MAP2: variants seen among roughly 807,000 people sequenced by gnomAD.
MAP2 encodes the protein microtubule associated protein 2.
In MAP2, 14 loss-of-function variants were observed where a neutral mutation model predicts 137.6. The observed-to-expected ratio is 0.10, with a 90% CI of 0.07 to 0.16. The LOEUF (loss-of-function observed/expected upper bound fraction) is 0.16, where lower values mean the gene tolerates loss of function less well. Among genes scored for constraint, MAP2 ranks in the 10% least tolerant of loss-of-function variants. MAP2 has a pLI of 1.00. For missense variants in MAP2, 2,088 were observed against 2,191.5 expected (o/e 0.95, Z 0.94); for synonymous variants, 786 against 782.3 (o/e 1.00, Z -0.08).
Position 209,692,861 on chromosome 2 carries a change from G to T in MAP2, c.691G>T (p.Val231Phe). ...APLALFGHTL[V>F]ASLEDMKQKT... ...CCTAGCTTTGTTTGGGCACACTCTT[G>T]TTGCCAGCCTGGAAGACATGAAACA... Residue 231 changes from valine to phenylalanine, a missense_variant, in exon 8 of 16, where the codon GTT becomes TTT. Transcript: ENST00000682079. 5 of 1,613,842 alleles carry T rather than the reference G, an allele frequency of 3.1e-6. No homozygotes were observed. The highest frequency in any genetic ancestry group is 4.2e-6 in the Non-Finnish European group (5 of 1,179,920).
chr2:209,714,067 G>C (rs886903147), intron 13 of MAP2, among the ~76,000 whole-genome samples: 5 of 152,066 alleles, frequency 3.3e-5, no homozygotes, highest in African/African-American at 4.8e-5. Flanking sequence ...CAGGCGTGGT[G>C]GTGGGCACCA....
intron 2 of MAP2, among the ~76,000 whole-genome samples, chr2:209,546,179 T>G (rs2068027761): frequency 6.6e-6 from 1 of 152,108 alleles, no homozygotes; most frequent in Admixed American, 6.5e-5. Context: ...AAAAAAGAAA[T>G]GCACGCAACT....
chr2:209,458,491 C>T (rs1037334806), intron 1 of MAP2, among the ~76,000 whole-genome samples: 10 of 152,102 alleles, frequency 6.6e-5, no homozygotes, highest in Non-Finnish European at 1.5e-5. Flanking sequence ...AAAATATGGT[C>T]CATGCAAAGT....
chr2:209,503,255 C>T (rs2060622236), intron 1 of MAP2, among the ~76,000 whole-genome samples: 1 of 152,150 alleles, frequency 6.6e-6, no homozygotes, highest in South Asian at 2.1e-4. Context: ...CCCTCCTTGG[C>T]CTCCCAAAGT....
intron 1 of MAP2, among the ~76,000 whole-genome samples, chr2:209,462,106 T>G (rs970176755): frequency 1.3e-5 from 2 of 152,228 alleles, no homozygotes; most frequent in African/African-American, 4.8e-5. Flanking sequence ...AAAATCCTGG[T>G]AAAATATATG....
chr2:209,725,867 G>T, intron 14 of MAP2, 77 bp downstream of exon 14: 1 of 789,492 alleles, frequency 1.3e-6, no homozygotes, highest in South Asian at 2.1e-5. Flanking sequence ...TTTTGTTGTT[G>T]CAAAATACCT....
chr2:209,636,088 A>G (rs1481066867), intron 4 of MAP2, among the ~76,000 whole-genome samples: 1 of 152,096 alleles, frequency 6.6e-6, no homozygotes, highest in African/African-American at 2.4e-5. Context: ...CACCCTCTGC[A>G]CTTTTCTAAT....
At chr2:209,665,617 A>G (rs1432003428) in intron 5 of MAP2, among the ~76,000 whole-genome samples, 2 of 152,172 alleles carry the variant, frequency 1.3e-5, no homozygotes, top group Non-Finnish European at 2.9e-5. Context: ...GAAAGATATT[A>G]TGTATCCTAT....
chr2:209,458,209 A>G (rs941644854), intron 1 of MAP2, among the ~76,000 whole-genome samples: 2 of 152,182 alleles, frequency 1.3e-5, no homozygotes, highest in Admixed American at 6.5e-5. Flanking sequence ...ACCACCTGTT[A>G]GTAAAGTCTT....
At chr2:209,475,709 C>G (rs1192629169) in intron 1 of MAP2, among the ~76,000 whole-genome samples, 1 of 152,060 alleles carries the variant, frequency 6.6e-6, no homozygotes, top group African/African-American at 2.4e-5. Context: ...TTTAAATAAG[C>G]ATCAATCTTT....
chr2:209,538,324 A>C (rs1056202611), intron 2 of MAP2, among the ~76,000 whole-genome samples: 1 of 152,206 alleles, frequency 6.6e-6, no homozygotes, highest in Non-Finnish European at 1.5e-5. Context: ...GTGGTGACTG[A>C]CTTTTAAGGT....
At chr2:209,677,595 AT>A (rs1280725785) in intron 5 of MAP2, among the ~76,000 whole-genome samples, 1 of 152,072 alleles carries the variant, frequency 6.6e-6, no homozygotes, top group Non-Finnish European at 1.5e-5. Context: ...AAGAGTTGAT[AT>A]ATTTCTGTTA....
At chr2:209,567,185 C>T (rs2073621562) in intron 2 of MAP2, among the ~76,000 whole-genome samples, 1 of 152,000 alleles carries the variant, frequency 6.6e-6, no homozygotes, top group South Asian at 2.1e-4. Context: ...TTTTTTAGGT[C>T]AATGTCCACA....
At chr2:209,676,508 C>T (rs2153677685) in intron 5 of MAP2, among the ~76,000 whole-genome samples, 1 of 151,566 alleles carries the variant, frequency 6.6e-6, no homozygotes, top group South Asian at 2.1e-4. Context: ...ATCTCTGTAA[C>T]AAAGCTGCAC....
At chr2:209,430,066 T>C (rs1693829531) in intron 1 of MAP2, among the ~76,000 whole-genome samples, 1 of 151,706 alleles carries the variant, frequency 6.6e-6, no homozygotes, top group South Asian at 2.1e-4. Context: ...CTATTTTTTA[T>C]TGTTGTTTAT....
chr2:209,652,600 A>G (rs1157510860), intron 4 of MAP2, among the ~76,000 whole-genome samples: 2 of 152,160 alleles, frequency 1.3e-5, no homozygotes, highest in East Asian at 1.9e-4. Context: ...AACGGCTAAT[A>G]TGTTAGTTAT....
rs183097208 is a variant in MAP2, at chr2:209,426,323, A to G, written c.-222+2047A>G. 2.0e-5 allele frequency among the ~76,000 whole-genome samples: 3 copies of G among 152,180 alleles called. No individual in the cohort carries two copies. In the East Asian group the frequency reaches 5.8e-4, roughly 29 times the overall value. On this transcript the variant is annotated intron_variant, in intron 1 of 15. Transcript: ENST00000682079. ...ATAGAGCTACCTTTTATAAAATAAT[A>G]TTTTAGTTATATTAATTTTTATTTT...
chr2:209,579,058 A>C (rs1395924862), intron 2 of MAP2, among the ~76,000 whole-genome samples: 1 of 152,090 alleles, frequency 6.6e-6, no homozygotes, highest in African/African-American at 2.4e-5. Flanking sequence ...GAAGATATTT[A>C]TTTTGGAATA....
chr2:209,464,670 T>A (rs1398845037), intron 1 of MAP2, among the ~76,000 whole-genome samples: 1 of 152,018 alleles, frequency 6.6e-6, no homozygotes, highest in Non-Finnish European at 1.5e-5. Flanking sequence ...ATAATAAAAT[T>A]GCTTAGGTTA....
Sources: gnomAD v4.1 joint callset for allele counts (sites outside exome capture counted in the v4.1 genomes callset) on GRCh38, gnomAD v4.1.1 for gene constraint, MANE v1.5 for transcripts, NCBI Gene and HGNC (gene_info 2026-07-23, HGNC 2026-07-21) for gene names.